The following MTCH1 variants were observed in gnomAD, a reference collection of about 807,000 sequenced individuals.
MTCH1 encodes mitochondrial carrier 1, also known as mitochondrial carrier homolog 1.
MTCH1 carries 23 observed loss-of-function variants against 49.3 expected under a neutral mutation model. That is an observed-to-expected ratio of 0.47 (90% CI 0.34 to 0.66). The LOEUF is 0.66. Among genes scored for constraint, MTCH1 ranks in the 30% least tolerant of loss-of-function variants. The pLI, the probability that MTCH1 is intolerant of heterozygous loss-of-function variation, is 0.01. For synonymous variants in MTCH1, 229 were observed against 215.2 expected, an observed-to-expected ratio of 1.06 and a Z score of -0.56; for missense variants, 397 against 532.1, an observed-to-expected ratio of 0.75 and a Z score of 2.50.
Position 36,982,467 on chromosome 6 carries a change from C to T in MTCH1, c.322-795G>A, listed in dbSNP as rs1013260746. On this transcript the variant is annotated intron_variant, in intron 1 of 11. Transcript: ENST00000373627. This position sits in a 1 kb window ranked among gnomAD's most constrained non-coding sequence, Gnocchi z 4.1. ...GCTCTCAGCTCACCGCAACCTCCAC[C>T]TCCTCCACCTCCCGGGTTCAAGTGA... Among the ~76,000 whole-genome samples the T allele has an allele frequency of 6.6e-6, 1 of 152,072 alleles. No individual in the cohort carries two copies. The highest frequency in any genetic ancestry group is 1.5e-5 in the Non-Finnish European group (1 of 68,026).
chr6:36,977,523 AC>A lies in MTCH1; in HGVS notation c.649+110del. 1.3e-6 allele frequency: 1 copy of A among 768,578 alleles called. No individual in the cohort carries two copies. The highest frequency in any genetic ancestry group is 2.2e-6 in the Non-Finnish European group (1 of 462,348). The allele number at this position is 768,578 out of a possible 1,614,324, so 47.6% of individuals were successfully genotyped here. A position where few individuals can be genotyped will look rare whatever the true frequency, so the allele number is the denominator to read the frequency against. On this transcript the variant is annotated intron_variant, in intron 5 of 11. Coordinates refer to ENST00000373627, the MANE Select transcript of MTCH1 (RefSeq NM_001271641.2). This position sits in a 1 kb window ranked among gnomAD's most constrained non-coding sequence, Gnocchi z 5.4. ...GTAGAATACCCCCAACCCCACTACC[AC>A]TTCCCAACAGGTCTACGGCTGTCTA... is the stretch of plus-strand genomic sequence containing the variant.
intron 7 of MTCH1, 27 bp downstream of exon 7, chr6:36,975,620 TGCCCGTGGCCA>T (rs1763851603): frequency 6.3e-7 from 1 of 1,599,876 alleles, no homozygotes; most frequent in African/African-American, 1.3e-5. Flanking sequence ...AGCAGAGCCA[TGCCCGTGGCCA>T]GTTATGGGGT....
At chr6:36,970,759 A>C in intron 8 of MTCH1, 65 bp from the exon 9 acceptor site, 1 of 1,523,564 alleles carries the variant, frequency 6.6e-7, no homozygotes, top group Non-Finnish European at 9.0e-7. Context: ...TCAGCAACAC[A>C]TGCCCTCACC....
chr6:36,975,181 A>G (rs1393883701), intron 7 of MTCH1, among the ~76,000 whole-genome samples: 2 of 152,232 alleles, frequency 1.3e-5, no homozygotes, highest in African/African-American at 4.8e-5. Flanking sequence ...GATGCCAGAC[A>G]TGTGGATTTT....
intron 2 of MTCH1, among the ~76,000 whole-genome samples, chr6:36,980,958 G>A (rs1375632201): frequency 1.3e-5 from 2 of 152,204 alleles, no homozygotes; most frequent in Non-Finnish European, 1.5e-5. Context: ...TTGCAGGAAG[G>A]CCTGGGCAGG....
Position 36,970,249 on chromosome 6 carries a change from G to A in MTCH1, c.1023-135C>T, listed in dbSNP as rs997504452. ...CCCTGACACCACAGTTTACCCCAGG[G>A]GGTGCTGGGAAATCCCAGCGGAAGC... On this transcript the variant is annotated intron_variant, in intron 10 of 11. Coordinates refer to ENST00000373627, the MANE Select transcript of MTCH1 (RefSeq NM_001271641.2). The A allele has an allele frequency of 3.3e-5, 47 of 1,419,332 alleles. No homozygotes were observed. The African/African-American group carries it at 5.7e-4, about 17-fold the overall frequency. 87.9% of individuals were successfully genotyped at this position (1,419,332 alleles called of 1,614,324 possible).
rs552930498 is a variant in MTCH1 at position 36,985,995 on chromosome 6, G to A, written c.179C>T (p.Pro60Leu). The A allele has an allele frequency of 1.6e-4, 247 of 1,540,582 alleles. 1 individual carries two copies. In the South Asian group the frequency reaches 2.9e-3, roughly 18 times the overall value. The change falls in exon 1 of 12, where the codon CCC (proline) becomes CTC (leucine). Residue 60 changes from proline to leucine, a missense_variant. Physicochemically the swap from Pro to Leu is moderately conservative, Grantham distance 98. Coordinates refer to ENST00000373627, the MANE Select transcript of MTCH1 (RefSeq NM_001271641.2). ...CCCGCCATCCATCCTGCGGGCCGAG[G>A]GCTGAGCCGCAGGCCGAGGGTGGCG... The part of the protein sequence containing the change: ...HPRHPRPAAQ[P>L]SARRMDGGSG...
Position 36,975,570 on chromosome 6 carries a change from G to A in MTCH1, c.761+88C>T, listed in dbSNP as rs369033339. The A allele has an allele frequency of 1.2e-5, 16 of 1,324,992 alleles. 1 individual carries two copies. The Middle Eastern group carries it at 5.4e-4, about 45-fold the overall frequency. 82.1% of individuals were successfully genotyped at this position (1,324,992 alleles called of 1,614,324 possible). ...GCAGGGCCATGTAGTGAAGTCCCAG[G>A]CCAGCAGCTGCGGTCTGAGAGGTTG... is the stretch of plus-strand genomic sequence containing the variant. On this transcript the variant is annotated intron_variant, in intron 7 of 11. Coordinates refer to ENST00000373627, the MANE Select transcript of MTCH1 (RefSeq NM_001271641.2).
intron 2 of MTCH1, among the ~76,000 whole-genome samples, chr6:36,980,715 A>G (rs192444171): frequency 8.5e-5 from 13 of 152,344 alleles, no homozygotes; most frequent in African/African-American, 3.1e-4. Context: ...AACAGGTAAG[A>G]GCAGAGGTGC....
chr6:36,969,072 C>A, intron 11 of MTCH1, 98 bp from the exon 12 acceptor site: 1 of 1,519,120 alleles, frequency 6.6e-7, no homozygotes, highest in South Asian at 1.3e-5. Flanking sequence ...GGTCCAGGAG[C>A]TCAAAGACCC....
At chr6:36,981,743 A>C in intron 1 of MTCH1, 71 bp from the exon 2 acceptor site, 2 of 1,287,572 alleles carry the variant, frequency 1.6e-6, no homozygotes, top group Non-Finnish European at 2.2e-6. Flanking sequence ...CTCTCCTCAC[A>C]CCTCTTGCCC....
intron 3 of MTCH1, 140 bp downstream of exon 3, chr6:36,978,365 G>A (rs1300860443): frequency 2.2e-6 from 2 of 908,932 alleles, no homozygotes; most frequent in African/African-American, 3.3e-5. Context: ...CTGTGGGGTG[G>A]GAGCTCCCCC....
intron 1 of MTCH1, among the ~76,000 whole-genome samples, chr6:36,983,440 C>G (rs145888295): frequency 6.6e-6 from 1 of 152,218 alleles, no homozygotes; most frequent in Non-Finnish European, 1.5e-5. Context: ...CAATTTCATA[C>G]TTAAATTTGT....
intron 7 of MTCH1, among the ~76,000 whole-genome samples, chr6:36,973,569 T>C (rs1186842999): frequency 2.0e-5 from 3 of 152,240 alleles, no homozygotes; most frequent in Non-Finnish European, 4.4e-5. Context: ...GGAACCTCTG[T>C]GAATGCAATT....
Position 36,981,580 on chromosome 6 carries a change from A to G in MTCH1, c.406+8T>C, listed in dbSNP as rs1490844400. On this transcript the variant is annotated splice_region_variant and intron_variant, in intron 2 of 11. Coordinates refer to ENST00000373627, the MANE Select transcript of MTCH1 (RefSeq NM_001271641.2). ...GTGTGGGCTTTCCTGCTTGGGAGGCACACTCACCGTAGGTGAAGAAGCTCG... is the reference window on the plus strand; with the variant it reads ...GTGTGGGCTTTCCTGCTTGGGAGGCGCACTCACCGTAGGTGAAGAAGCTCG... 1.9e-6 allele frequency: 3 copies of G among 1,613,380 alleles called. No individual in the cohort carries two copies. Among genetic ancestry groups the G allele is most frequent in the Non-Finnish European group, 1.7e-6 (2 of 1,179,592 alleles).
chr6:36,986,189 G>A lies in MTCH1; in HGVS notation c.-16C>T. The A allele has an allele frequency of 2.8e-6, 4 of 1,421,174 alleles. No individual in the cohort carries two copies. Among genetic ancestry groups the A allele is most frequent in the Non-Finnish European group, 3.6e-6 (4 of 1,096,366 alleles). The allele number at this position is 1,421,174 out of a possible 1,614,324, so 88.0% of individuals were successfully genotyped here. On this transcript the variant is annotated 5_prime_UTR_variant, in exon 1 of 12. Transcript: ENST00000373627. ...AAGCTCCCATGGCGCCCGGCGGCGAGGTCACTCCCCGTCACGTGACGGGGC... is the reference window on the plus strand; with the variant it reads ...AAGCTCCCATGGCGCCCGGCGGCGAAGTCACTCCCCGTCACGTGACGGGGC...
chr6:36,970,659 C>G lies in MTCH1; in HGVS notation c.942G>C (p.Lys314Asn), dbSNP rs1178219758. 6.2e-7 allele frequency: 1 copy of G among 1,614,108 alleles called. No homozygotes were observed. Among genetic ancestry groups the G allele is most frequent in the African/African-American group, 1.3e-5 (1 of 74,950 alleles). The change falls in exon 9 of 12, where the codon AAG (lysine) becomes AAC (asparagine). Residue 314 changes from lysine to asparagine, a missense_variant. Coordinates refer to ENST00000373627, the MANE Select transcript of MTCH1 (RefSeq NM_001271641.2). ...SQALAIRSYT[K>N]FVMGIAVSML... Reference sequence around the variant, plus strand: ...TGGCACAACTTACCCCCATCACGAACTTGGTATAGCTCCGGATGGCCAGGG... The same window carrying G: ...TGGCACAACTTACCCCCATCACGAAGTTGGTATAGCTCCGGATGGCCAGGG...
rs923681891 is a variant in MTCH1, at chr6:36,977,420, T to C, written c.650-170A>G. On this transcript the variant is annotated intron_variant, in intron 5 of 11. Coordinates refer to ENST00000373627, the MANE Select transcript of MTCH1 (RefSeq NM_001271641.2). This position sits in a 1 kb window ranked among gnomAD's most constrained non-coding sequence, Gnocchi z 5.4. ...CCTGTTACACCCCATGACCACAGCA[T>C]GCCATTTCTACTGCCTGGGAAGAGC... Among the ~76,000 whole-genome samples the C allele has an allele frequency of 1.3e-5, 2 of 152,118 alleles. No individual in the cohort carries two copies. The highest frequency in any genetic ancestry group is 6.5e-5 in the Admixed American group (1 of 15,276).
chr6:36,977,821 G>T lies in MTCH1; in HGVS notation c.592-130C>A. 1 of 878,696 alleles carries T rather than the reference G, an allele frequency of 1.1e-6. No individual in the cohort carries two copies. The highest frequency in any genetic ancestry group is 1.7e-5 in the African/African-American group (1 of 59,700). The allele number at this position is 878,696 out of a possible 1,614,324, so 54.4% of individuals were successfully genotyped here. On this transcript the variant is annotated intron_variant, in intron 4 of 11. Transcript: ENST00000373627. This position sits in a 1 kb window ranked among gnomAD's most constrained non-coding sequence, Gnocchi z 5.4. Reference sequence around the variant, plus strand: ...ACTGCACATGGGGTCGGTCTGCCAAGGATGGCTCCACCTGTTGCCCACTCC... The same window carrying T: ...ACTGCACATGGGGTCGGTCTGCCAATGATGGCTCCACCTGTTGCCCACTCC...
Sources: gnomAD v4.1 joint callset for allele counts (sites outside exome capture counted in the v4.1 genomes callset) on GRCh38, gnomAD v4.1.1 for gene constraint, Gnocchi (gnomAD v3.1) non-coding constraint, MANE v1.5 for transcripts, NCBI Gene and HGNC (gene_info 2026-07-23, HGNC 2026-07-21) for gene names.